The following DCC variants were observed in gnomAD, a reference collection of about 807,000 sequenced individuals.
The protein encoded by DCC is netrin receptor DCC.
In DCC, 58 loss-of-function variants were observed where a neutral mutation model predicts 172.5. The ratio of observed to expected loss-of-function variants is 0.34; its 90% CI spans 0.27 to 0.42. The LOEUF (loss-of-function observed/expected upper bound fraction) is 0.42. Ranked by LOEUF, DCC falls within the 10% of genes least tolerant of loss-of-function variation. The pLI is 1.00. For missense variants in DCC, 1,740 were observed against 1,791.0 expected (o/e 0.97, Z 0.51); for synonymous variants, 709 against 644.5 (o/e 1.10, Z -1.52).
intron 12 of DCC, among the ~76,000 whole-genome samples, chr18:53,301,552 C>T (rs1254259091): frequency 7.9e-5 from 12 of 152,134 alleles, no homozygotes; most frequent in Admixed American, 7.9e-4. Context: ...AAGCCTATAA[C>T]AAAAACAAAC....
intron 2 of DCC, among the ~76,000 whole-genome samples, chr18:52,817,194 G>A (rs531359309): frequency 6.6e-6 from 1 of 152,050 alleles, no homozygotes; most frequent in Non-Finnish European, 1.5e-5. Flanking sequence ...ATGGAAAAAT[G>A]AATAATATAA....
intron 12 of DCC, among the ~76,000 whole-genome samples, chr18:53,267,764 C>G (rs1025264756): frequency 6.6e-6 from 1 of 152,132 alleles, no homozygotes; most frequent in African/African-American, 2.4e-5. Flanking sequence ...ATGTGCCCGG[C>G]CACATATTCG....
chr18:52,664,998 C>A (rs945202459), intron 1 of DCC, among the ~76,000 whole-genome samples: 1 of 152,192 alleles, frequency 6.6e-6, no homozygotes, highest in Non-Finnish European at 1.5e-5. Context: ...ACAAGCAAGG[C>A]AGGTCAATAG....
At chr18:53,214,576 T>C (rs1455896839) in intron 11 of DCC, among the ~76,000 whole-genome samples, 1 of 152,168 alleles carries the variant, frequency 6.6e-6, no homozygotes. Flanking sequence ...CTTAGATTCT[T>C]GAAAATGCCT....
At chr18:52,379,113 G>T (rs1046424080) in intron 1 of DCC, among the ~76,000 whole-genome samples, 1 of 152,058 alleles carries the variant, frequency 6.6e-6, no homozygotes, top group African/African-American at 2.4e-5. Context: ...CAGGTGCCAC[G>T]GGAAATGTGA....
chr18:52,772,997 TG>T (rs1335344010), intron 2 of DCC, among the ~76,000 whole-genome samples: 2 of 152,252 alleles, frequency 1.3e-5, no homozygotes, highest in East Asian at 3.8e-4. Context: ...AGATCCTTGA[TG>T]GCAGATTGAC....
intron 12 of DCC, among the ~76,000 whole-genome samples, chr18:53,294,645 T>C (rs1157292622): frequency 6.6e-6 from 1 of 152,114 alleles, no homozygotes; most frequent in African/African-American, 2.4e-5. Flanking sequence ...ATTAACAAAA[T>C]GAAGGGGGAC....
chr18:53,357,304 T>C (rs1282515712), intron 15 of DCC, among the ~76,000 whole-genome samples: 1 of 152,196 alleles, frequency 6.6e-6, no homozygotes, highest in Non-Finnish European at 1.5e-5. Flanking sequence ...AATAGGTCTT[T>C]TATCCTGTGG....
At chr18:52,574,488 G>T (rs1472998562) in intron 1 of DCC, among the ~76,000 whole-genome samples, 3 of 152,130 alleles carry the variant, frequency 2.0e-5, no homozygotes, top group Non-Finnish European at 4.4e-5. Context: ...TCTTCATAAA[G>T]CTGTTAGATA....
At chr18:52,775,011 G>GT (rs1555659792) in intron 2 of DCC, among the ~76,000 whole-genome samples, 2 of 152,152 alleles carry the variant, frequency 1.3e-5, no homozygotes, top group African/African-American at 4.8e-5. Flanking sequence ...TTAGAGTGGA[G>GT]TTTTTTAAAG....
chr18:53,239,144 GTAAC>G (rs2056248932), intron 12 of DCC, among the ~76,000 whole-genome samples: 1 of 150,134 alleles, frequency 6.7e-6, no homozygotes, highest in Non-Finnish European at 1.5e-5. Flanking sequence ...GTATACATAT[GTAAC>G]TAACCTGCAC....
At chr18:52,877,876 G>A (rs116724117) in intron 2 of DCC, among the ~76,000 whole-genome samples, 7 of 151,770 alleles carry the variant, frequency 4.6e-5, no homozygotes, top group South Asian at 2.1e-4. Context: ...TCCCTGTCCC[G>A]TATTCTCCTA....
chr18:53,165,383 T>C (rs2054902027), intron 8 of DCC, among the ~76,000 whole-genome samples: 1 of 152,202 alleles, frequency 6.6e-6, no homozygotes, highest in African/African-American at 2.4e-5. Context: ...GTATATTACA[T>C]TTTTGATGTG....
In DCC at chr18:53,499,342, C is replaced by G. The variant is rs1184154743; in HGVS notation, c.3943C>G (p.Pro1315Ala). The G allele has an allele frequency of 4.3e-6, 7 of 1,614,056 alleles. No homozygotes were observed. The highest frequency in any genetic ancestry group is 5.9e-6 in the Non-Finnish European group (7 of 1,180,012). ...PTTQQPPMLP[P>A]SQPEHSSSEE... ...TACCCAACAACCACCTATGCTGCCC[C>G]CATCTCAGCCTGAGCATTCTAGCAG... is the stretch of plus-strand genomic sequence containing the variant. The change falls in exon 27 of 29, where the codon CCA (proline) becomes GCA (alanine). Residue 1315 changes from proline (P) to alanine (A), a missense_variant. By Grantham distance (27) the Pro-to-Ala change is conservative. This residue lies in a region of DCC where 1,732 missense variants were observed against 1,767.4 expected (regional missense o/e 0.98). Transcript: ENST00000442544.
At chr18:52,927,088 C>CGTGTATACGTGT (rs2040221422) in intron 5 of DCC, among the ~76,000 whole-genome samples, 1 of 79,872 alleles carries the variant, frequency 1.3e-5, no homozygotes, top group Non-Finnish European at 2.8e-5. Context: ...TGTATATACA[C>CGTGTATACGTGT]GTATATACGT....
chr18:52,727,189 C>T (rs185390370), intron 1 of DCC, among the ~76,000 whole-genome samples: 1 of 152,162 alleles, frequency 6.6e-6, no homozygotes, highest in Non-Finnish European at 1.5e-5. Context: ...TGAAAAATTA[C>T]TTTTCCCTAC....
intron 5 of DCC, among the ~76,000 whole-genome samples, chr18:53,061,209 T>C (rs760945174): frequency 4.5e-4 from 68 of 152,116 alleles, no homozygotes; most frequent in Non-Finnish European, 1.6e-4. Flanking sequence ...TCCAGCCCAA[T>C]CTGGCTCCAT....
chr18:53,041,212 A>G (rs191698406), intron 5 of DCC, among the ~76,000 whole-genome samples: 29 of 152,226 alleles, frequency 1.9e-4, no homozygotes, highest in African/African-American at 6.7e-4. Flanking sequence ...GAAGGGGTCC[A>G]GTTTCAGTTT....
chr18:52,860,280 C>G lies in DCC; in HGVS notation c.413-45764C>G, dbSNP rs373030728. ...CATACATCAGCTGGCACAAAAGCTGCTTATATATAAGTTGCTCCGGTGATT... is the reference window on the plus strand; with the variant it reads ...CATACATCAGCTGGCACAAAAGCTGGTTATATATAAGTTGCTCCGGTGATT... On this transcript the variant is annotated intron_variant, in intron 2 of 28. Coordinates refer to ENST00000442544, the MANE Select transcript of DCC (RefSeq NM_005215.4). 2.4e-4 allele frequency among the ~76,000 whole-genome samples: 36 copies of G among 152,312 alleles called. No individual in the cohort carries two copies. The East Asian group carries it at 6.4e-3, about 27-fold the overall frequency.
Sources: gnomAD v4.1 joint callset for allele counts (sites outside exome capture counted in the v4.1 genomes callset) on GRCh38, gnomAD v4.1.1 for gene constraint, gnomAD v4.1.1 regional missense constraint, MANE v1.5 for transcripts, NCBI Gene and HGNC (gene_info 2026-07-23, HGNC 2026-07-21) for gene names.